WWOX: variants seen among roughly 807,000 people sequenced by gnomAD.
WWOX encodes the protein WW domain containing oxidoreductase, also known as WW domain-containing oxidoreductase.
WWOX carries 69 observed loss-of-function variants against 46.2 expected under a neutral mutation model. The ratio of observed to expected loss-of-function variants is 1.49; its 90% CI spans 1.23 to 1.82. The LOEUF is 1.82. Among genes scored for constraint, WWOX ranks in the 40% most tolerant of loss-of-function variants. WWOX has a pLI of 0.00. For missense variants in WWOX, 919 were observed against 542.6 expected, an observed-to-expected ratio of 1.69 and a Z score of -6.89; for synonymous variants, 359 against 202.6, an observed-to-expected ratio of 1.77 and a Z score of -6.56.
chr16:78,776,402 A>C (rs969354394), intron 8 of WWOX, among the ~76,000 whole-genome samples: 3 of 152,002 alleles, frequency 2.0e-5, no homozygotes, highest in Non-Finnish European at 4.4e-5. Flanking sequence ...ACCTGGGTCA[A>C]CTCATACCTA....
At chr16:78,612,285 G>A (rs2045919383) in intron 8 of WWOX, among the ~76,000 whole-genome samples, 1 of 152,192 alleles carries the variant, frequency 6.6e-6, no homozygotes, top group Non-Finnish European at 1.5e-5. Context: ...AAGTGACTTG[G>A]ATGTTGATTT....
intron 8 of WWOX, among the ~76,000 whole-genome samples, chr16:79,195,925 A>T (rs1439306965): frequency 6.6e-6 from 1 of 152,204 alleles, no homozygotes; most frequent in Non-Finnish European, 1.5e-5. Flanking sequence ...TGTTCCTCTC[A>T]AGTGGGAAAA....
At chr16:78,738,689 T>C (rs536111787) in intron 8 of WWOX, among the ~76,000 whole-genome samples, 8 of 152,274 alleles carry the variant, frequency 5.3e-5, no homozygotes, top group Admixed American at 2.0e-4. Flanking sequence ...CTGGCTAGAA[T>C]GTGTAGGAGA....
intron 8 of WWOX, among the ~76,000 whole-genome samples, chr16:78,858,934 C>T (rs1186815890): frequency 1.4e-5 from 2 of 148,080 alleles, no homozygotes; most frequent in Non-Finnish European, 3.0e-5. Flanking sequence ...CCACCTCAGC[C>T]TCCCAAAGTG....
intron 8 of WWOX, among the ~76,000 whole-genome samples, chr16:78,725,739 C>T (rs184728981): frequency 1.3e-5 from 2 of 152,156 alleles, no homozygotes; most frequent in Non-Finnish European, 2.9e-5. Flanking sequence ...ATCAAGGTGT[C>T]AGCACAGCCA....
intron 8 of WWOX, chr16:78,757,041 T>C (rs973619827): frequency 2.8e-6 from 2 of 702,896 alleles, no homozygotes; most frequent in Non-Finnish European, 5.2e-6. Flanking sequence ...TCGAAGTTGA[T>C]TCTGCAGCCC....
intron 5 of WWOX, among the ~76,000 whole-genome samples, chr16:78,374,339 A>G (rs2081764995): frequency 6.6e-6 from 1 of 152,106 alleles, no homozygotes; most frequent in Non-Finnish European, 1.5e-5. Flanking sequence ...GATTTAATGG[A>G]TCAGTGAAAT....
intron 4 of WWOX, among the ~76,000 whole-genome samples, chr16:78,146,258 A>G (rs977015603): frequency 2.0e-5 from 3 of 152,024 alleles, no homozygotes; most frequent in Non-Finnish European, 4.4e-5. Flanking sequence ...GCAGGTTGGA[A>G]TCCTCTGTTA....
chr16:78,833,596 C>T (rs774810668), intron 8 of WWOX, among the ~76,000 whole-genome samples: 3 of 152,210 alleles, frequency 2.0e-5, no homozygotes, highest in South Asian at 2.1e-4. Context: ...CATAGTCTTT[C>T]GCTTGTTAAT....
At chr16:78,652,307 C>A (rs12924685) in intron 8 of WWOX, among the ~76,000 whole-genome samples, 1 of 150,872 alleles carries the variant, frequency 6.6e-6, no homozygotes, top group Non-Finnish European at 1.5e-5. Context: ...TACTCGGGAG[C>A]CTGAGGCAGG....
At chr16:78,255,489 G>C (rs1393192917) in intron 5 of WWOX, among the ~76,000 whole-genome samples, 1 of 152,210 alleles carries the variant, frequency 6.6e-6, no homozygotes, top group South Asian at 2.1e-4. Context: ...TCATAGCAAA[G>C]AGAGAGGTAG....
At chr16:78,343,797 C>T (rs192089042) in intron 5 of WWOX, among the ~76,000 whole-genome samples, 2 of 120,534 alleles carry the variant, frequency 1.7e-5, no homozygotes, top group East Asian at 3.9e-4. Flanking sequence ...GACTTGCTCT[C>T]AGTTCTTTGT....
intron 8 of WWOX, among the ~76,000 whole-genome samples, chr16:78,482,136 C>T (rs1446973411): frequency 6.6e-6 from 1 of 152,048 alleles, no homozygotes; most frequent in Non-Finnish European, 1.5e-5. Flanking sequence ...GGTCAGATGG[C>T]TTCATGTCTT....
rs1267211635 is a variant in WWOX at position 78,865,225 on chromosome 16, G to GT, written c.1057-346375dup. On this transcript the variant is annotated intron_variant, in intron 8 of 8. Coordinates refer to ENST00000566780, the MANE Select transcript of WWOX (RefSeq NM_016373.4). ...AAGAGAATGATTTAGGATGCGATCA[G>GT]TTTTTTTTCCTTGACTTACTCTCTT... Among the ~76,000 whole-genome samples the GT allele has an allele frequency of 7.2e-5, 11 of 151,910 alleles. No individual in the cohort carries two copies. The South Asian group carries it at 8.3e-4, about 11-fold the overall frequency.
chr16:78,935,513 A>C (rs912733580), intron 8 of WWOX, among the ~76,000 whole-genome samples: 3 of 151,670 alleles, frequency 2.0e-5, no homozygotes, highest in Admixed American at 6.6e-5. Flanking sequence ...GGACAAAAAA[A>C]CCAAACACTG....
Position 78,494,379 on chromosome 16 carries a change from G to T in WWOX, c.1056+61627G>T, listed in dbSNP as rs142183418. 1.8e-3 allele frequency among the ~76,000 whole-genome samples: 279 copies of T among 152,262 alleles called. 1 individual carries two copies. Among genetic ancestry groups the T allele is most frequent in the African/African-American group, 6.5e-3 (269 of 41,552 alleles). ...GACACAGAGCCAAACCACACTGGAA[G>T]GTAAAAAAGTTGGCAACCAGAGGCT... On this transcript the variant is annotated intron_variant, in intron 8 of 8. Transcript: ENST00000566780.
chr16:78,184,892 C>G (rs941467350), intron 5 of WWOX, among the ~76,000 whole-genome samples: 2 of 152,202 alleles, frequency 1.3e-5, no homozygotes, highest in African/African-American at 4.8e-5. Context: ...CTCAAAATCT[C>G]TGGGGCTTGA....
intron 8 of WWOX, among the ~76,000 whole-genome samples, chr16:79,135,237 C>T (rs1597405815): frequency 6.6e-6 from 1 of 152,268 alleles, no homozygotes; most frequent in South Asian, 2.1e-4. Flanking sequence ...TATGCATACT[C>T]ATAAATATGC....
chr16:78,768,279 T>TTAAAAAAA (rs1309673439), intron 8 of WWOX, among the ~76,000 whole-genome samples: 1 of 91,958 alleles, frequency 1.1e-5, no homozygotes, highest in Non-Finnish European at 2.1e-5. Flanking sequence ...ATAGATGAGT[T>TTAAAAAAA]AAAAAAAAAA....
Sources: allele counts gnomAD v4.1 joint callset (sites outside exome capture counted in the v4.1 genomes callset), GRCh38; gene constraint gnomAD v4.1.1; transcripts MANE v1.5; gene names NCBI Gene and HGNC (gene_info 2026-07-23, HGNC 2026-07-21).